The following IMMP2L variants were observed in gnomAD, a reference collection of about 807,000 sequenced individuals.
IMMP2L encodes the protein inner mitochondrial membrane peptidase subunit 2.
In IMMP2L, 18 loss-of-function variants were observed where a neutral mutation model predicts 19.3. The observed-to-expected ratio is 0.93, with a 90% CI of 0.64 to 1.38. The LOEUF is 1.38. IMMP2L is among the 40% of genes most tolerant of loss of function. The probability of loss-of-function intolerance (pLI) is 0.00; values close to 1 mark genes in which losing one functional copy is unlikely to be tolerated. For missense variants in IMMP2L, 233 were observed against 218.2 expected (o/e 1.07, Z -0.43); for synonymous variants, 76 against 73.0 (o/e 1.04, Z -0.21).
intron 4 of IMMP2L, among the ~76,000 whole-genome samples, chr7:110,956,526 C>A (rs978249405): frequency 6.6e-6 from 1 of 151,970 alleles, no homozygotes; most frequent in Non-Finnish European, 1.5e-5. Flanking sequence ...GATTACATTT[C>A]TTTAGTAGGG....
chr7:110,979,135 A>G (rs1445355019), intron 3 of IMMP2L, among the ~76,000 whole-genome samples: 2 of 152,076 alleles, frequency 1.3e-5, no homozygotes, highest in African/African-American at 4.8e-5. Context: ...AACTTCATAT[A>G]TTTTACATAT....
chr7:111,035,186 C>G (rs1441811726), intron 3 of IMMP2L, among the ~76,000 whole-genome samples: 3 of 152,156 alleles, frequency 2.0e-5, no homozygotes, highest in Admixed American at 2.0e-4. Flanking sequence ...CTTACTATTA[C>G]TACTTCATTC....
chr7:111,157,327 G>T (rs551519949), intron 3 of IMMP2L, among the ~76,000 whole-genome samples: 19 of 152,198 alleles, frequency 1.2e-4, no homozygotes, highest in Non-Finnish European at 2.6e-4. Context: ...AGCAACCTAA[G>T]TGTCCATCAA....
intron 5 of IMMP2L, among the ~76,000 whole-genome samples, chr7:110,748,799 G>C (rs1000434445): frequency 1.3e-5 from 2 of 152,140 alleles, no homozygotes; most frequent in African/African-American, 4.8e-5. Context: ...AAAAACCCTA[G>C]AAGAAAACCT....
At chr7:111,331,377 A>T (rs1306636239) in intron 3 of IMMP2L, among the ~76,000 whole-genome samples, 2 of 151,916 alleles carry the variant, frequency 1.3e-5, no homozygotes, top group Admixed American at 6.6e-5. Context: ...CAATAACCTA[A>T]CTCATAGAAG....
At chr7:110,995,141 G>T (rs1340407470) in intron 3 of IMMP2L, among the ~76,000 whole-genome samples, 1 of 152,034 alleles carries the variant, frequency 6.6e-6, no homozygotes, top group Non-Finnish European at 1.5e-5. Context: ...CGAGAACTCA[G>T]ACATAAGGAT....
chr7:110,843,999 A>C (rs1805380292), intron 5 of IMMP2L, among the ~76,000 whole-genome samples: 1 of 152,150 alleles, frequency 6.6e-6, no homozygotes. Context: ...GCTAAGACTT[A>C]GGATCTAAGT....
At chr7:111,310,941 G>A (rs945062909) in intron 3 of IMMP2L, among the ~76,000 whole-genome samples, 9 of 152,088 alleles carry the variant, frequency 5.9e-5, no homozygotes, top group African/African-American at 1.7e-4. Flanking sequence ...TCTCCTTTGC[G>A]CAAGGCAAGT....
intron 3 of IMMP2L, among the ~76,000 whole-genome samples, chr7:111,036,225 T>C (rs1791338428): frequency 6.6e-6 from 1 of 152,100 alleles, no homozygotes; most frequent in South Asian, 2.1e-4. Flanking sequence ...AGTGCAAGAT[T>C]TACCTTTCCT....
At chr7:111,144,425 T>A (rs973433761) in intron 3 of IMMP2L, among the ~76,000 whole-genome samples, 2 of 152,106 alleles carry the variant, frequency 1.3e-5, no homozygotes, top group Non-Finnish European at 2.9e-5. Flanking sequence ...TCACATATAT[T>A]TGGAGAGTTT....
At chr7:111,200,697 T>A (rs1418423318) in intron 3 of IMMP2L, among the ~76,000 whole-genome samples, 1 of 152,122 alleles carries the variant, frequency 6.6e-6, no homozygotes, top group East Asian at 1.9e-4. Context: ...CCATAATAGA[T>A]AATTTAGAGC....
At chr7:110,762,868 C>G (rs1175012672) in intron 5 of IMMP2L, among the ~76,000 whole-genome samples, 1 of 152,144 alleles carries the variant, frequency 6.6e-6, no homozygotes, top group Non-Finnish European at 1.5e-5. Flanking sequence ...TAAACATATA[C>G]TCCACCCTGC....
intron 3 of IMMP2L, among the ~76,000 whole-genome samples, chr7:111,297,833 T>C (rs1421377288): frequency 6.6e-6 from 1 of 152,048 alleles, no homozygotes; most frequent in Non-Finnish European, 1.5e-5. Flanking sequence ...ATAAGTCCAT[T>C]TATACAAAAT....
chr7:111,337,595 C>T (rs966101842), intron 3 of IMMP2L, among the ~76,000 whole-genome samples: 1 of 151,884 alleles, frequency 6.6e-6, no homozygotes, highest in Non-Finnish European at 1.5e-5. Context: ...TGAGCCAAGT[C>T]TGACCTCAAA....
intron 5 of IMMP2L, among the ~76,000 whole-genome samples, chr7:110,692,867 T>C (rs1043572852): frequency 6.6e-6 from 1 of 152,170 alleles, no homozygotes. Context: ...ATCACTCTAT[T>C]AGCTGCAAAA....
chr7:110,855,062 C>A lies in IMMP2L; in HGVS notation c.408+31531G>T, dbSNP rs528480575. Among the ~76,000 whole-genome samples, 28 of 151,938 alleles carry A rather than the reference C, an allele frequency of 1.8e-4. No individual in the cohort carries two copies. The South Asian group carries it at 5.8e-3, about 32-fold the overall frequency. On this transcript the variant is annotated intron_variant, in intron 5 of 5. Coordinates refer to ENST00000405709, the MANE Select transcript of IMMP2L (RefSeq NM_032549.4). ...AGTTCTATCACAATTTAAGAAAACA[C>A]ACCAAGATAACAGTCCAAAAATGTT...
At chr7:111,303,511 T>C (rs537258308) in intron 3 of IMMP2L, among the ~76,000 whole-genome samples, 6 of 152,232 alleles carry the variant, frequency 3.9e-5, no homozygotes, top group Middle Eastern at 3.4e-3. Context: ...TTGATTTCTA[T>C]GATCATGACT....
chr7:110,876,403 A>C (rs1809069751), intron 5 of IMMP2L, among the ~76,000 whole-genome samples: 1 of 152,180 alleles, frequency 6.6e-6, no homozygotes, highest in African/African-American at 2.4e-5. Flanking sequence ...CTATAAGCTT[A>C]AGGAGTCATG....
intron 3 of IMMP2L, among the ~76,000 whole-genome samples, chr7:111,138,537 T>C (rs958028546): frequency 2.6e-5 from 4 of 152,346 alleles, no homozygotes; most frequent in Non-Finnish European, 2.9e-5. Flanking sequence ...TAACCGCTTA[T>C]GCTATTTTAC....
Sources: gnomAD v4.1 joint callset for allele counts (sites outside exome capture counted in the v4.1 genomes callset) on GRCh38, gnomAD v4.1.1 for gene constraint, MANE v1.5 for transcripts, NCBI Gene and HGNC (gene_info 2026-07-23, HGNC 2026-07-21) for gene names.